Variants in RASSF8 observed in about 807,000 individuals in gnomAD.
The protein encoded by RASSF8 is ras association domain-containing protein 8.
A neutral mutation model predicts 48.5 loss-of-function variants in RASSF8; 22 were observed. The ratio of observed to expected loss-of-function variants is 0.45; its 90% CI spans 0.32 to 0.65. The LOEUF (loss-of-function observed/expected upper bound fraction) is 0.65. RASSF8 is among the 30% of genes least tolerant of loss of function. RASSF8 has a pLI of 0.03. For synonymous variants in RASSF8, 127 were observed against 171.5 expected (o/e 0.74, Z 2.03); for missense variants, 418 against 489.2 (o/e 0.85, Z 1.37).
In RASSF8 at chr12:26,071,873, A is replaced by G. The variant is rs2137344372; in HGVS notation, c.*3055A>G. 1.0e-6 allele frequency: 1 copy of G among 984,772 alleles called. No homozygotes were observed. Among genetic ancestry groups the G allele is most frequent in the Non-Finnish European group, 1.2e-6 (1 of 829,326 alleles). The allele number at this position is 984,772 out of a possible 1,614,324, so 61.0% of individuals were successfully genotyped here. ...AAGTATAGCAATATATAACAAGAACATGTAAGCACTTGCTTCCACAGCATA... is the reference window on the plus strand; with the variant it reads ...AAGTATAGCAATATATAACAAGAACGTGTAAGCACTTGCTTCCACAGCATA... On this transcript the variant is annotated 3_prime_UTR_variant, in exon 6 of 6. Coordinates refer to ENST00000689635, the MANE Select transcript of RASSF8 (RefSeq NM_001394098.1).
rs888525966 is a variant in RASSF8, at chr12:25,959,111, C to T, written c.-240C>T. 6.6e-6 allele frequency: 1 copy of T among 150,820 alleles called. No homozygotes were observed. Among genetic ancestry groups the T allele is most frequent in the Non-Finnish European group, 1.5e-5 (1 of 67,660 alleles). The allele number at this position is 150,820 out of a possible 1,614,324, so 9.3% of individuals were successfully genotyped here. A position where few individuals can be genotyped will look rare whatever the true frequency, so the allele number is the denominator to read the frequency against. ...GTCCCCAGCGCCCCGGCCGGCCCCT[C>T]TGGGCGGCCTGCGGGGGCGGCGCAG... On this transcript the variant is annotated 5_prime_UTR_variant, in exon 1 of 6. Coordinates refer to ENST00000689635, the MANE Select transcript of RASSF8 (RefSeq NM_001394098.1).
At chr12:26,039,852 A>G (rs1159909204) in intron 2 of RASSF8, among the ~76,000 whole-genome samples, 1 of 152,214 alleles carries the variant, frequency 6.6e-6, no homozygotes, top group Non-Finnish European at 1.5e-5. Context: ...GGCTTAATGT[A>G]AAGAAATTAA....
intron 2 of RASSF8, among the ~76,000 whole-genome samples, chr12:26,009,132 A>G (rs1942463573): frequency 1.3e-5 from 2 of 152,338 alleles, no homozygotes; most frequent in East Asian, 3.9e-4. Context: ...CTTTTCTCAC[A>G]AGAAATCCAA....
chr12:26,071,827 G>C lies in RASSF8; in HGVS notation c.*3009G>C, dbSNP rs1944006939. On this transcript the variant is annotated 3_prime_UTR_variant, in exon 6 of 6. Transcript: ENST00000689635. ...ATATAAATACAGTAAAAAAAAAATA[G>C]AATTTATGGTGTGAAATATGAAGTA... 2.0e-6 allele frequency: 2 copies of C among 981,090 alleles called. No individual in the cohort carries two copies. Among genetic ancestry groups the C allele is most frequent in the South Asian group, 9.4e-5 (2 of 21,198 alleles). 60.8% of individuals were successfully genotyped at this position (981,090 alleles called of 1,614,324 possible). A position where few individuals can be genotyped will look rare whatever the true frequency, so the allele number is the denominator to read the frequency against.
intron 2 of RASSF8, among the ~76,000 whole-genome samples, chr12:26,029,403 G>A (rs1942982460): frequency 6.6e-6 from 1 of 152,120 alleles, no homozygotes; most frequent in African/African-American, 2.4e-5. Context: ...TCTGGGGAAG[G>A]GTGACCTCTG....
intron 1 of RASSF8, among the ~76,000 whole-genome samples, chr12:25,964,174 T>G (rs535774060): frequency 6.6e-6 from 1 of 152,328 alleles, no homozygotes; most frequent in East Asian, 1.9e-4. Flanking sequence ...ATATGTCCAC[T>G]GGTTACTTGG....
intron 2 of RASSF8, among the ~76,000 whole-genome samples, chr12:26,034,094 G>T (rs532275619): frequency 1.3e-5 from 2 of 152,146 alleles, no homozygotes; most frequent in Non-Finnish European, 2.9e-5. Context: ...GCAATACATG[G>T]CAGGGCAGGG....
chr12:25,973,513 A>C (rs1259046467), intron 1 of RASSF8, among the ~76,000 whole-genome samples: 2 of 152,184 alleles, frequency 1.3e-5, no homozygotes, highest in Non-Finnish European at 2.9e-5. Context: ...CATGAGGCTT[A>C]ACTTGAGATG....
intron 1 of RASSF8, among the ~76,000 whole-genome samples, chr12:25,971,167 A>G (rs1941475507): frequency 6.6e-6 from 1 of 152,166 alleles, no homozygotes; most frequent in African/African-American, 2.4e-5. Flanking sequence ...TGGTTCTTTG[A>G]AGCATTATAA....
intron 1 of RASSF8, among the ~76,000 whole-genome samples, chr12:25,963,273 T>C (rs919006038): frequency 2.1e-5 from 3 of 144,212 alleles, no homozygotes; most frequent in African/African-American, 7.8e-5. Flanking sequence ...CACCTAGAAG[T>C]CTGGAAGTTC....
chr12:25,981,645 G>A (rs1277738892), intron 1 of RASSF8, among the ~76,000 whole-genome samples: 2 of 152,206 alleles, frequency 1.3e-5, no homozygotes, highest in Non-Finnish European at 2.9e-5. Flanking sequence ...ATTTGTAGTT[G>A]CTGGTCCCTT....
At chr12:26,004,045 C>T (rs992687825) in intron 2 of RASSF8, among the ~76,000 whole-genome samples, 1 of 152,034 alleles carries the variant, frequency 6.6e-6, no homozygotes, top group Non-Finnish European at 1.5e-5. Flanking sequence ...GGTGTTGTGA[C>T]ATATGCCTAT....
intron 1 of RASSF8, among the ~76,000 whole-genome samples, chr12:25,975,870 C>T (rs1941592309): frequency 6.6e-6 from 1 of 152,140 alleles, no homozygotes; most frequent in Non-Finnish European, 1.5e-5. Flanking sequence ...AGCCAGAAAA[C>T]TGTGGTGGTG....
chr12:25,980,170 T>A (rs921730534), intron 1 of RASSF8, among the ~76,000 whole-genome samples: 15 of 152,200 alleles, frequency 9.9e-5, no homozygotes, highest in African/African-American at 3.6e-4. Context: ...AAGTCTCCAG[T>A]GGGTTTATCT....
At chr12:26,061,860 A>G (rs555783906) in intron 3 of RASSF8, among the ~76,000 whole-genome samples, 1 of 152,294 alleles carries the variant, frequency 6.6e-6, no homozygotes, top group African/African-American at 2.4e-5. Context: ...ATATTGCTGG[A>G]TGGAATTTTT....
intron 2 of RASSF8, among the ~76,000 whole-genome samples, chr12:26,027,959 G>A (rs943998825): frequency 2.6e-5 from 4 of 152,186 alleles, no homozygotes; most frequent in African/African-American, 7.2e-5. Flanking sequence ...TGTGAGGAAC[G>A]TCAGCTGTGC....
chr12:26,045,608 T>A (rs1943356019), intron 2 of RASSF8, among the ~76,000 whole-genome samples: 1 of 152,232 alleles, frequency 6.6e-6, no homozygotes, highest in Non-Finnish European at 1.5e-5. Flanking sequence ...GGACAATGTT[T>A]TGTTGAAAAG....
chr12:25,976,954 C>T (rs1467298911), intron 1 of RASSF8, among the ~76,000 whole-genome samples: 1 of 152,194 alleles, frequency 6.6e-6, no homozygotes, highest in Non-Finnish European at 1.5e-5. Context: ...CCCTGGTCCA[C>T]AGTTTATCCC....
chr12:26,034,535 A>G (rs1381341570), intron 2 of RASSF8, among the ~76,000 whole-genome samples: 4 of 152,278 alleles, frequency 2.6e-5, no homozygotes, highest in South Asian at 2.1e-4. Context: ...TAGGATTTCT[A>G]TCATTCCTAC....
Sources: gnomAD v4.1 joint callset for allele counts (sites outside exome capture counted in the v4.1 genomes callset) on GRCh38, gnomAD v4.1.1 for gene constraint, MANE v1.5 for transcripts, NCBI Gene and HGNC (gene_info 2026-07-23, HGNC 2026-07-21) for gene names.